Variants in CSRNP2 observed in about 807,000 individuals in gnomAD.
CSRNP2 encodes the protein cysteine and serine rich nuclear protein 2.
A neutral mutation model predicts 36.6 loss-of-function variants in CSRNP2; 11 were observed. That is an observed-to-expected ratio of 0.30 (90% CI 0.19 to 0.50). CSRNP2 has a LOEUF of 0.50. Ranked by LOEUF, CSRNP2 falls within the 20% of genes least tolerant of loss-of-function variation. CSRNP2 has a pLI of 0.98. For synonymous variants in CSRNP2, 248 were observed against 275.3 expected, an observed-to-expected ratio of 0.90 and a Z score of 0.98; for missense variants, 483 against 691.4, an observed-to-expected ratio of 0.70 and a Z score of 3.38.
chr12:51,071,556 G>A (rs1237781031), intron 3 of CSRNP2, among the ~76,000 whole-genome samples: 2 of 152,132 alleles, frequency 1.3e-5, no homozygotes, highest in Non-Finnish European at 2.9e-5. Context: ...CTTGAGCCCA[G>A]GAGTTTGAGA....
Position 51,076,644 on chromosome 12 carries a change from G to A in CSRNP2, c.-83C>T. Reference sequence around the variant, plus strand: ...ACCACCAGCTAGCCAGGTACATTAGGATTCTGCCCAGGGAAAAAAAGGAAT... The same window carrying A: ...ACCACCAGCTAGCCAGGTACATTAGAATTCTGCCCAGGGAAAAAAAGGAAT... On this transcript the variant is annotated 5_prime_UTR_variant, in exon 2 of 5. Transcript: ENST00000228515. The A allele has an allele frequency of 6.6e-7, 1 of 1,521,506 alleles. No individual in the cohort carries two copies. Among genetic ancestry groups the A allele is most frequent in the South Asian group, 1.1e-5 (1 of 87,154 alleles). 94.3% of individuals were successfully genotyped at this position (1,521,506 alleles called of 1,614,324 possible). A position where few individuals can be genotyped will look rare whatever the true frequency, so the allele number is the denominator to read the frequency against.
chr12:51,078,624 CTCA>C (rs930675841), intron 1 of CSRNP2, among the ~76,000 whole-genome samples: 104 of 152,168 alleles, frequency 6.8e-4, no homozygotes, highest in African/African-American at 2.5e-3. Context: ...TGAAAAAATG[CTCA>C]TCATCACTGG....
chr12:51,078,515 T>G (rs975046144), intron 1 of CSRNP2, among the ~76,000 whole-genome samples: 2 of 152,158 alleles, frequency 1.3e-5, no homozygotes, highest in Non-Finnish European at 2.9e-5. Context: ...TAGGGCATGG[T>G]AAGAAAGGAG....
chr12:51,082,355 A>G (rs922729251), intron 1 of CSRNP2, among the ~76,000 whole-genome samples: 2 of 152,176 alleles, frequency 1.3e-5, no homozygotes, highest in African/African-American at 4.8e-5. Context: ...CCATGCCTAA[A>G]CTACCATCGT....
chr12:51,072,120 T>A (rs574274343), intron 3 of CSRNP2, among the ~76,000 whole-genome samples: 2 of 152,282 alleles, frequency 1.3e-5, no homozygotes, highest in African/African-American at 4.8e-5. Flanking sequence ...GCTACCTGTT[T>A]TAATATGGGT....
intron 1 of CSRNP2, chr12:51,081,304 A>G (rs1939631008): frequency 6.6e-6 from 1 of 152,112 alleles, no homozygotes; most frequent in Non-Finnish European, 1.5e-5. Flanking sequence ...AAAATAAAAT[A>G]AATAAAAATA....
In CSRNP2 at chr12:51,063,874, A is replaced by G. The variant is rs1277522514; in HGVS notation, c.1504T>C (p.Ser502Pro). ...EEPENEDFHP[S>P]WSPSSLPFRT... ...AAGGGGAGGCTTGAGGGGGACCAGG[A>G]AGGGTGGAAGTCTTCATTTTCAGGC... The change falls in exon 5 of 5, where the codon TCC becomes CCC. Residue 502 changes from serine to proline, a missense_variant. Coordinates refer to ENST00000228515, the MANE Select transcript of CSRNP2 (RefSeq NM_030809.3). 4 of 1,613,928 alleles carry G rather than the reference A, an allele frequency of 2.5e-6. No individual in the cohort carries two copies. The highest frequency in any genetic ancestry group is 2.7e-5 in the African/African-American group (2 of 74,868).
intron 1 of CSRNP2, chr12:51,083,114 G>T (rs1017680344): frequency 2.0e-5 from 3 of 152,374 alleles, no homozygotes; most frequent in African/African-American, 7.2e-5. Context: ...CCGCAGTCCG[G>T]GCCAGCGTCC....
chr12:51,063,659 T>C lies in CSRNP2; in HGVS notation c.*87A>G. 9.6e-7 allele frequency: 1 copy of C among 1,041,500 alleles called. No individual in the cohort carries two copies. The highest frequency in any genetic ancestry group is 1.3e-6 in the Non-Finnish European group (1 of 741,482). 64.5% of individuals were successfully genotyped at this position (1,041,500 alleles called of 1,614,324 possible). The stretch of plus-strand genomic sequence containing the variant: ...AATAAAATAACATGGGAGCAGCAGC[T>C]GCTTCTACAGTTTTGTTTTGAAATG... On this transcript the variant is annotated 3_prime_UTR_variant, in exon 5 of 5. Coordinates refer to ENST00000228515, the MANE Select transcript of CSRNP2 (RefSeq NM_030809.3).
rs1006047190 is a variant in CSRNP2, at chr12:51,083,440, G to A, written c.-188C>T. The A allele has an allele frequency of 2.0e-5, 3 of 152,346 alleles. No individual in the cohort carries two copies. Among genetic ancestry groups the A allele is most frequent in the Non-Finnish European group, 4.4e-5 (3 of 68,142 alleles). 9.4% of individuals were successfully genotyped at this position (152,346 alleles called of 1,614,324 possible). A position where few individuals can be genotyped will look rare whatever the true frequency, so the allele number is the denominator to read the frequency against. ...AGGAGGGAGGAGCGAGCGAGTCCCGGGCCCCGCGGCGACGGCCGGGGAGCT... is the reference window on the plus strand; with the variant it reads ...AGGAGGGAGGAGCGAGCGAGTCCCGAGCCCCGCGGCGACGGCCGGGGAGCT... On this transcript the variant is annotated 5_prime_UTR_variant, in exon 1 of 5. Coordinates refer to ENST00000228515, the MANE Select transcript of CSRNP2 (RefSeq NM_030809.3).
chr12:51,075,187 C>T (rs1020468778), intron 2 of CSRNP2, among the ~76,000 whole-genome samples: 4 of 152,200 alleles, frequency 2.6e-5, no homozygotes, highest in Non-Finnish European at 5.9e-5. Context: ...TCACGGCTCA[C>T]TGCAGCCCCA....
At chr12:51,065,972 G>A (rs1232547856) in intron 4 of CSRNP2, among the ~76,000 whole-genome samples, 2 of 152,202 alleles carry the variant, frequency 1.3e-5, no homozygotes, top group Non-Finnish European at 2.9e-5. Flanking sequence ...TTCATTCTTA[G>A]GGATGGTATT....
At chr12:51,079,823 TCAG>T (rs1939555851) in intron 1 of CSRNP2, among the ~76,000 whole-genome samples, 1 of 123,632 alleles carries the variant, frequency 8.1e-6, no homozygotes, top group East Asian at 2.7e-4. Flanking sequence ...GCCTCTAATC[TCAG>T]CACTTTGGGA....
At chr12:51,066,725 T>C (rs1338437816) in intron 4 of CSRNP2, among the ~76,000 whole-genome samples, 6 of 152,180 alleles carry the variant, frequency 3.9e-5, no homozygotes, top group Non-Finnish European at 8.8e-5. Context: ...CCAGGTCTGA[T>C]CCTGAATTAT....
intron 4 of CSRNP2, among the ~76,000 whole-genome samples, chr12:51,065,900 A>ATTGGTTGTGAGTGAGTGAGTGGTT (rs1862372388): frequency 6.6e-6 from 1 of 152,170 alleles, no homozygotes; most frequent in Non-Finnish European, 1.5e-5. Context: ...AGAGTGAGTT[A>ATTGGTTGTGAGTGAGTGAGTGGTT]GGAGAAATCC....
intron 3 of CSRNP2, among the ~76,000 whole-genome samples, chr12:51,070,340 A>G (rs558013165): frequency 1.4e-4 from 22 of 152,224 alleles, no homozygotes; most frequent in African/African-American, 4.8e-4. Context: ...GGGCTTCTGG[A>G]GGTTTCCTAG....
At chr12:51,070,832 C>CT (rs1447808990) in intron 3 of CSRNP2, among the ~76,000 whole-genome samples, 1 of 152,126 alleles carries the variant, frequency 6.6e-6, no homozygotes, top group African/African-American at 2.4e-5. Flanking sequence ...AACTGCCTCC[C>CT]TTATAGAGAG....
intron 3 of CSRNP2, among the ~76,000 whole-genome samples, chr12:51,068,736 T>C (rs1938675150): frequency 6.6e-6 from 1 of 152,090 alleles, no homozygotes; most frequent in Non-Finnish European, 1.5e-5. Flanking sequence ...CAGAAAAATG[T>C]GAAACACCCT....
chr12:51,068,784 A>G (rs919028868), intron 3 of CSRNP2, among the ~76,000 whole-genome samples: 12 of 151,242 alleles, frequency 7.9e-5, no homozygotes, highest in Admixed American at 2.6e-4. Flanking sequence ...TACCTTCTTG[A>G]AAAAAAAAGG....
Sources: allele counts gnomAD v4.1 joint callset (sites outside exome capture counted in the v4.1 genomes callset), GRCh38; gene constraint gnomAD v4.1.1; transcripts MANE v1.5; gene names NCBI Gene and HGNC (gene_info 2026-07-23, HGNC 2026-07-21).